CACNA1D: variants seen among roughly 807,000 people sequenced by gnomAD.
CACNA1D encodes the protein calcium voltage-gated channel subunit alpha1 D, also known as voltage-dependent L-type calcium channel subunit alpha-1D.
CACNA1D carries 55 observed loss-of-function variants against 257.1 expected under a neutral mutation model. The observed-to-expected ratio is 0.21, with a 90% CI of 0.17 to 0.27. CACNA1D has a LOEUF of 0.27. CACNA1D is among the 10% of genes least tolerant of loss of function. The pLI is 1.00. For synonymous variants in CACNA1D, 980 were observed against 1,014.9 expected, an observed-to-expected ratio of 0.97 and a Z score of 0.65; for missense variants, 1,876 against 2,784.0, an observed-to-expected ratio of 0.67 and a Z score of 7.34.
chr3:53,568,929 C>A (rs1370282250), intron 3 of CACNA1D, among the ~76,000 whole-genome samples: 1 of 152,210 alleles, frequency 6.6e-6, no homozygotes, highest in Non-Finnish European at 1.5e-5. Flanking sequence ...CACAACTGGT[C>A]TTCCTGCTGT....
chr3:53,749,476 G>A lies in CACNA1D; in HGVS notation c.3516+7G>A, dbSNP rs376662408. 33 of 1,599,482 alleles carry A rather than the reference G, an allele frequency of 2.1e-5. No individual in the cohort carries two copies. The African/African-American group carries it at 4.3e-4, about 21-fold the overall frequency. ...TGAGCTGGACAAAAATCAGGTTAAA[G>A]TCACACACTGTTTTGGCTTCTGTCC... On this transcript the variant is annotated splice_region_variant and intron_variant, in intron 27 of 47. Coordinates refer to ENST00000350061, the MANE Select transcript of CACNA1D (RefSeq NM_001128840.3).
chr3:53,660,044 C>A (rs2094188173), intron 4 of CACNA1D, 89 bp from the exon 5 acceptor site: 1 of 1,164,402 alleles, frequency 8.6e-7, no homozygotes, highest in Non-Finnish European at 1.3e-6. Flanking sequence ...ACAGAATTAG[C>A]CCTTTTCAAA....
chr3:53,650,570 G>A (rs866464629), intron 3 of CACNA1D, among the ~76,000 whole-genome samples: 3 of 152,262 alleles, frequency 2.0e-5, no homozygotes, highest in Non-Finnish European at 2.9e-5. Context: ...TGTTGCACAC[G>A]TAGTTGCTTA....
chr3:53,703,065 A>G (rs1376741537), intron 9 of CACNA1D, among the ~76,000 whole-genome samples: 2 of 152,258 alleles, frequency 1.3e-5, no homozygotes, highest in Non-Finnish European at 2.9e-5. Flanking sequence ...AAACGGACCC[A>G]CTGTTGGCCT....
chr3:53,729,134 C>T (rs2094963346), intron 15 of CACNA1D, among the ~76,000 whole-genome samples: 1 of 152,218 alleles, frequency 6.6e-6, no homozygotes, highest in African/African-American at 2.4e-5. Context: ...CAGAGGAATG[C>T]TCATGTTACC....
intron 40 of CACNA1D, among the ~76,000 whole-genome samples, chr3:53,798,318 T>TGTGTGTGTGC (rs1201448318): frequency 6.7e-6 from 1 of 149,274 alleles, no homozygotes. Context: ...CGTGTGTGTG[T>TGTGTGTGTGC]GTGTGTGTGC....
intron 3 of CACNA1D, among the ~76,000 whole-genome samples, chr3:53,562,112 T>G (rs1262964395): frequency 2.0e-5 from 3 of 152,178 alleles, no homozygotes; most frequent in Non-Finnish European, 4.4e-5. Flanking sequence ...GAACTTAGAG[T>G]TTGATAGGCT....
chr3:53,650,553 C>A (rs565739417), intron 3 of CACNA1D, among the ~76,000 whole-genome samples: 2 of 152,348 alleles, frequency 1.3e-5, no homozygotes, highest in African/African-American at 2.4e-5. Flanking sequence ...CAGCCTGGAA[C>A]GAAAAGTGTT....
intron 3 of CACNA1D, among the ~76,000 whole-genome samples, chr3:53,518,456 G>A (rs1351427349): frequency 6.6e-6 from 1 of 152,138 alleles, no homozygotes; most frequent in Non-Finnish European, 1.5e-5. Flanking sequence ...TAGGTGTCCG[G>A]TGGTCTCTCT....
chr3:53,551,425 T>G (rs1218521282), intron 3 of CACNA1D, among the ~76,000 whole-genome samples: 3 of 152,228 alleles, frequency 2.0e-5, no homozygotes, highest in Non-Finnish European at 4.4e-5. Flanking sequence ...CAGACTGACT[T>G]GAGCCACAGG....
rs56322106 is a variant in CACNA1D at position 53,811,891 on chromosome 3, C to A, written c.*485C>A. 0.095 allele frequency: 14,520 copies of A among 153,242 alleles called. 1,042 individuals carry two copies. Among genetic ancestry groups the A allele is most frequent in the African/African-American group, 0.18 (7,435 of 41,538 alleles). The allele number at this position is 153,242 out of a possible 1,614,324, so 9.5% of individuals were successfully genotyped here. On this transcript the variant is annotated 3_prime_UTR_variant, in exon 48 of 48. Transcript: ENST00000350061. The surrounding 1 kb of genome is among the most constrained non-coding windows in gnomAD (Gnocchi z 4.2). ...CATATCCATTTTTAAACCCTTTCCC[C>A]CAAATACACTGCGTCCTGGTTCCTG...
chr3:53,500,714 CAAT>C (rs2090564332), intron 2 of CACNA1D, among the ~76,000 whole-genome samples: 4 of 152,134 alleles, frequency 2.6e-5, no homozygotes, highest in Admixed American at 6.5e-5. Context: ...AGAAGAAAAA[CAAT>C]CATTTTGGCA....
chr3:53,762,824 G>A (rs2095311151), intron 30 of CACNA1D, among the ~76,000 whole-genome samples: 1 of 152,232 alleles, frequency 6.6e-6, no homozygotes. Flanking sequence ...CTGAAAAAGA[G>A]TGGGGAAGTC....
At chr3:53,718,808 C>A in intron 10 of CACNA1D, 1 of 1,335,908 alleles carries the variant, frequency 7.5e-7, no homozygotes, top group Non-Finnish European at 1.0e-6. Context: ...GCTTCTGTGG[C>A]AGAGTTGCTG....
At position 53,659,231 on chromosome 3, in the gene CACNA1D, G is replaced by A. The variant is rs1033951765; in HGVS notation, c.624-902G>A. 4.6e-5 allele frequency among the ~76,000 whole-genome samples: 7 copies of A among 152,264 alleles called. 1 individual carries two copies. The South Asian group carries it at 1.2e-3, about 27-fold the overall frequency. The stretch of plus-strand genomic sequence containing the variant: ...TGCCTGAAAATAGATTTATCTGAAC[G>A]TTCTGAGACTAGGAAAAAATTTATT... On this transcript the variant is annotated intron_variant, in intron 4 of 47. Transcript: ENST00000350061.
At chr3:53,560,467 T>G (rs1332010518) in intron 3 of CACNA1D, among the ~76,000 whole-genome samples, 4 of 152,228 alleles carry the variant, frequency 2.6e-5, no homozygotes, top group South Asian at 2.1e-4. Flanking sequence ...CTAGGATGTA[T>G]TCATAATATG....
chr3:53,562,535 A>G (rs940823602), intron 3 of CACNA1D, among the ~76,000 whole-genome samples: 1 of 152,204 alleles, frequency 6.6e-6, no homozygotes, highest in African/African-American at 2.4e-5. Context: ...ATTGAAGTAT[A>G]GTTTACATAT....
chr3:53,663,990 T>A (rs1327710794), intron 5 of CACNA1D, among the ~76,000 whole-genome samples: 3 of 152,148 alleles, frequency 2.0e-5, no homozygotes, highest in Admixed American at 6.5e-5. Context: ...GGTCTCGAAC[T>A]CCTGACCTCA....
chr3:53,759,787 G>A (rs1404166288), intron 29 of CACNA1D, among the ~76,000 whole-genome samples: 1 of 152,368 alleles, frequency 6.6e-6, no homozygotes, highest in East Asian at 1.9e-4. Context: ...TTTCTTGTTA[G>A]GAGACTTCTT....
Sources: allele counts gnomAD v4.1 joint callset (sites outside exome capture counted in the v4.1 genomes callset), GRCh38; gene constraint gnomAD v4.1.1; non-coding constraint Gnocchi (gnomAD v3.1); transcripts MANE v1.5; gene names NCBI Gene and HGNC (gene_info 2026-07-23, HGNC 2026-07-21).